PSD3: variants seen among roughly 807,000 people sequenced by gnomAD.
PSD3 encodes PH and SEC7 domain-containing protein 3.
In PSD3, 49 loss-of-function variants were observed where a neutral mutation model predicts 105.5. The ratio of observed to expected loss-of-function variants is 0.46; its 90% CI spans 0.37 to 0.59. The LOEUF is 0.59. Ranked by LOEUF, PSD3 falls within the 20% of genes least tolerant of loss-of-function variation. The pLI, the probability that PSD3 is intolerant of heterozygous loss-of-function variation, is 0.00. For missense variants in PSD3, 1,561 were observed against 1,263.8 expected (o/e 1.24, Z -3.57); for synonymous variants, 557 against 457.8 (o/e 1.22, Z -2.77).
intron 1 of PSD3, among the ~76,000 whole-genome samples, chr8:18,944,033 T>C (rs1019755814): frequency 6.6e-6 from 1 of 152,152 alleles, no homozygotes; most frequent in Non-Finnish European, 1.5e-5. Flanking sequence ...CACGTGGCTA[T>C]TACCACCCCA....
intron 6 of PSD3, chr8:18,803,223 G>C: frequency 6.0e-6 from 1 of 167,582 alleles, no homozygotes; most frequent in Non-Finnish European, 1.2e-5. Flanking sequence ...GGAGGTGGAG[G>C]TTGCAGTGAG....
intron 8 of PSD3, among the ~76,000 whole-genome samples, chr8:18,798,101 A>C (rs1037825094): frequency 3.3e-5 from 5 of 152,190 alleles, no homozygotes; most frequent in Non-Finnish European, 7.3e-5. Flanking sequence ...AGCTGGATGA[A>C]CATTAGATTG....
intron 1 of PSD3, among the ~76,000 whole-genome samples, chr8:18,981,983 T>A (rs1046741781): frequency 6.6e-6 from 1 of 152,212 alleles, no homozygotes; most frequent in Non-Finnish European, 1.5e-5. Context: ...ACAAAAGATT[T>A]CTCTGTAGCA....
At chr8:18,804,996 T>A in intron 4 of PSD3, 98 bp from the exon 5 acceptor site, 1 of 1,036,258 alleles carries the variant, frequency 9.7e-7, no homozygotes, top group Non-Finnish European at 1.4e-6. Flanking sequence ...TTAGTTCAGC[T>A]ACACTTAGAT....
rs1405671874 is a variant in PSD3 at position 18,535,782 on chromosome 8, G to C, written c.3105C>G (p.His1035Gln). 1.2e-6 allele frequency: 2 copies of C among 1,613,998 alleles called. No individual in the cohort carries two copies. The highest frequency in any genetic ancestry group is 1.7e-6 in the Non-Finnish European group (2 of 1,179,998). ...GCTTAATGCTTGGTGTTTCAGGTCG[G>C]TGATCCTTCCTCTCTGACACGTTAC... ...VKRNVSERKD[H>Q]RPETPSIKQK... The change falls in exon 16 of 16, where the codon CAC becomes CAG. Residue 1035 changes from histidine (H) to glutamine (Q), a missense_variant. By Grantham distance (24) the His-to-Gln change is conservative (BLOSUM62 0). Transcript: ENST00000327040.
chr8:19,079,215 G>A (rs1032939088), intron 1 of PSD3, among the ~76,000 whole-genome samples: 2 of 152,110 alleles, frequency 1.3e-5, no homozygotes, highest in African/African-American at 2.4e-5. Flanking sequence ...AACCCATTCT[G>A]CTATCTCAGG....
intron 4 of PSD3, among the ~76,000 whole-genome samples, chr8:18,811,359 A>G (rs1219048017): frequency 6.6e-6 from 1 of 152,178 alleles, no homozygotes; most frequent in Non-Finnish European, 1.5e-5. Flanking sequence ...TGATTCAATG[A>G]ATACGTATTT....
chr8:18,897,657 G>A (rs899676068), intron 2 of PSD3, among the ~76,000 whole-genome samples: 1 of 151,940 alleles, frequency 6.6e-6, no homozygotes, highest in African/African-American at 2.4e-5. Flanking sequence ...TTTTATTTTT[G>A]CATATGCCTG....
At chr8:18,915,988 C>T (rs1586414016) in intron 2 of PSD3, among the ~76,000 whole-genome samples, 1 of 151,742 alleles carries the variant, frequency 6.6e-6, no homozygotes, top group Non-Finnish European at 1.5e-5. Flanking sequence ...CCCAGCTACT[C>T]GGGAGGCTAA....
chr8:18,840,409 C>G (rs1814522718), intron 4 of PSD3, among the ~76,000 whole-genome samples: 1 of 152,190 alleles, frequency 6.6e-6, no homozygotes, highest in Non-Finnish European at 1.5e-5. Context: ...TTGGTCTACT[C>G]AAGCTGAGAA....
At chr8:18,832,837 T>C (rs1236384814) in intron 4 of PSD3, among the ~76,000 whole-genome samples, 1 of 152,130 alleles carries the variant, frequency 6.6e-6, no homozygotes, top group Non-Finnish European at 1.5e-5. Flanking sequence ...GTGAGACCTA[T>C]TCATTATCAC....
intron 10 of PSD3, among the ~76,000 whole-genome samples, chr8:18,640,119 A>G (rs1807534181): frequency 6.6e-6 from 1 of 152,196 alleles, no homozygotes; most frequent in Non-Finnish European, 1.5e-5. Context: ...AATCCATTCT[A>G]GTTCTAGTAT....
intron 2 of PSD3, among the ~76,000 whole-genome samples, chr8:18,900,570 C>T (rs919573889): frequency 1.3e-5 from 2 of 151,444 alleles, no homozygotes; most frequent in Non-Finnish European, 2.9e-5. Flanking sequence ...TGTATGGGTT[C>T]CACGGTGTTA....
At chr8:19,058,268 G>T (rs1828776048) in intron 1 of PSD3, among the ~76,000 whole-genome samples, 1 of 151,992 alleles carries the variant, frequency 6.6e-6, no homozygotes, top group African/African-American at 2.4e-5. Context: ...ACAGATCAAT[G>T]GTTTCCAGGG....
chr8:18,830,340 T>C (rs541631281), intron 4 of PSD3, among the ~76,000 whole-genome samples: 1 of 152,346 alleles, frequency 6.6e-6, no homozygotes, highest in African/African-American at 2.4e-5. Context: ...ACAAGTGCTG[T>C]TGCTGAAATG....
intron 14 of PSD3, among the ~76,000 whole-genome samples, chr8:18,561,360 C>T (rs764126646): frequency 4.2e-4 from 64 of 152,138 alleles, no homozygotes; most frequent in Non-Finnish European, 5.9e-5. Context: ...ATTTTGCTAA[C>T]TGAAGTAAGA....
At chr8:18,649,060 G>C (rs982577510) in intron 10 of PSD3, among the ~76,000 whole-genome samples, 8 of 152,236 alleles carry the variant, frequency 5.3e-5, no homozygotes, top group African/African-American at 1.9e-4. Flanking sequence ...GAGTGCAGAA[G>C]AGAAATGTGG....
chr8:18,932,408 G>A (rs334751), intron 2 of PSD3, among the ~76,000 whole-genome samples: 3,076 of 152,248 alleles, frequency 0.02, 109 homozygotes, highest in African/African-American at 0.07. Flanking sequence ...ACTCTAAAAA[G>A]CAAGTTTAGG....
At chr8:18,722,168 A>ATCAAAG (rs1803025541) in intron 9 of PSD3, among the ~76,000 whole-genome samples, 1 of 151,822 alleles carries the variant, frequency 6.6e-6, no homozygotes, top group African/African-American at 2.4e-5. Flanking sequence ...AGAACATTTA[A>ATCAAAG]AACATTTTAA....
Sources: allele counts gnomAD v4.1 joint callset (sites outside exome capture counted in the v4.1 genomes callset), GRCh38; gene constraint gnomAD v4.1.1; transcripts MANE v1.5; gene names NCBI Gene and HGNC (gene_info 2026-07-23, HGNC 2026-07-21).